Variants in MBOAT2 observed in about 807,000 individuals in gnomAD.
MBOAT2 encodes membrane-bound glycerophospholipid O-acyltransferase 2.
In MBOAT2, 28 loss-of-function variants were observed where a neutral mutation model predicts 63.4. The observed-to-expected ratio is 0.44, with a 90% CI of 0.33 to 0.61. The LOEUF (loss-of-function observed/expected upper bound fraction) is 0.61, where lower values mean the gene tolerates loss of function less well. MBOAT2 is among the 20% of genes least tolerant of loss of function. The pLI, the probability that MBOAT2 is intolerant of heterozygous loss-of-function variation, is 0.03. For synonymous variants in MBOAT2, 211 were observed against 215.6 expected (o/e 0.98, Z 0.19); for missense variants, 470 against 605.8 (o/e 0.78, Z 2.35).
In MBOAT2 at chr2:8,952,320, G is replaced by T. The variant is rs2103261239; in HGVS notation, c.221+6177C>A. 1.3e-5 allele frequency among the ~76,000 whole-genome samples: 2 copies of T among 152,286 alleles called. 1 individual carries two copies. The highest frequency in any genetic ancestry group is 4.1e-4 in the South Asian group (2 of 4,824). On this transcript the variant is annotated intron_variant, in intron 2 of 12. Transcript: ENST00000305997. ...ATTTCAGTTTTTCTGAATGTATTGA[G>T]ACTTGCTTTATGCCTGAGCATGTGG...
At chr2:8,933,171 T>C (rs945176724) in intron 3 of MBOAT2, among the ~76,000 whole-genome samples, 4 of 152,324 alleles carry the variant, frequency 2.6e-5, no homozygotes, top group East Asian at 1.9e-4. Flanking sequence ...GATCTTGGTG[T>C]AAAAGTAAGA....
intron 5 of MBOAT2, among the ~76,000 whole-genome samples, chr2:8,883,271 A>C (rs1295489276): frequency 6.6e-6 from 1 of 152,164 alleles, no homozygotes; most frequent in Non-Finnish European, 1.5e-5. Context: ...TAAATAGACA[A>C]AACTAAAAAC....
intron 4 of MBOAT2, among the ~76,000 whole-genome samples, chr2:8,895,267 T>C (rs1313720441): frequency 6.6e-6 from 1 of 152,248 alleles, no homozygotes; most frequent in Non-Finnish European, 1.5e-5. Flanking sequence ...AGAGTGCTGA[T>C]TGGCCCATTT....
At chr2:8,867,843 T>C (rs1662014283) in intron 9 of MBOAT2, among the ~76,000 whole-genome samples, 1 of 152,214 alleles carries the variant, frequency 6.6e-6, no homozygotes, top group African/African-American at 2.4e-5. Flanking sequence ...CAGATCCTTC[T>C]AAAACACCTA....
In MBOAT2 at chr2:8,858,695, G is replaced by A. The variant is rs1661280471; in HGVS notation, c.1547C>T (p.Ser516Leu). Residue 516 changes from serine (S) to leucine (L), a missense_variant, in exon 13 of 13, where the codon TCA (serine) becomes TTA (leucine). Coordinates refer to ENST00000305997, the MANE Select transcript of MBOAT2 (RefSeq NM_138799.4). ...CCTTCCCGATCACTGCTTTAGTGAT[G>A]AATGTCTCGAGGCTATTTCTTGATT... is the stretch of plus-strand genomic sequence containing the variant. The part of the protein sequence containing the change: ...NQNQEIASRH[S>L]SLKQ 13 of 1,611,124 alleles carry A rather than the reference G, an allele frequency of 8.1e-6. No individual in the cohort carries two copies. The highest frequency in any genetic ancestry group is 2.7e-5 in the African/African-American group (2 of 74,592).
At chr2:8,960,198 A>C (rs552752240) in intron 1 of MBOAT2, among the ~76,000 whole-genome samples, 3 of 152,320 alleles carry the variant, frequency 2.0e-5, no homozygotes, top group African/African-American at 7.2e-5. Context: ...TGTGTTCTTC[A>C]TATTAACTAC....
chr2:8,883,750 T>C (rs980607213), intron 5 of MBOAT2, among the ~76,000 whole-genome samples: 2 of 152,174 alleles, frequency 1.3e-5, no homozygotes, highest in African/African-American at 4.8e-5. Context: ...AGGAAATAAC[T>C]GAAGGTGTGA....
At chr2:8,921,381 C>G (rs1022105966) in intron 3 of MBOAT2, among the ~76,000 whole-genome samples, 4 of 152,066 alleles carry the variant, frequency 2.6e-5, no homozygotes, top group Admixed American at 2.0e-4. Context: ...ATCCTTTGAG[C>G]TATTACTATC....
intron 1 of MBOAT2, among the ~76,000 whole-genome samples, chr2:8,959,868 G>A (rs896411955): frequency 6.6e-5 from 10 of 151,974 alleles, no homozygotes; most frequent in Admixed American, 2.6e-4. Flanking sequence ...TTAGGAACCT[G>A]CAAAAAAAAT....
rs146147242 is a variant in MBOAT2, at chr2:8,900,332, G to A, written c.395+8289C>T. ...AAACTTTGGGGCTGCAGCTAAAGTC[G>A]CATTCTTTTCATTAAAGGCCAGGGT... On this transcript the variant is annotated intron_variant, in intron 4 of 12. Coordinates refer to ENST00000305997, the MANE Select transcript of MBOAT2 (RefSeq NM_138799.4). Among the ~76,000 whole-genome samples the A allele has an allele frequency of 7.2e-3, 1,101 of 152,204 alleles. 6 individuals are homozygous for A. Among genetic ancestry groups the A allele is most frequent in the Non-Finnish European group, 7.2e-3 (490 of 67,994 alleles).
intron 2 of MBOAT2, among the ~76,000 whole-genome samples, chr2:8,956,031 G>A (rs1669198734): frequency 6.6e-6 from 1 of 151,904 alleles, no homozygotes; most frequent in Admixed American, 6.6e-5. Flanking sequence ...CAGAATATAG[G>A]GTAAATATAA....
chr2:8,964,145 C>G (rs898656822), intron 1 of MBOAT2, among the ~76,000 whole-genome samples: 3 of 152,216 alleles, frequency 2.0e-5, no homozygotes, highest in East Asian at 1.9e-4. Flanking sequence ...GTGCAAACCC[C>G]TCCTCTGGCC....
At chr2:8,980,296 C>G (rs1671107453) in intron 1 of MBOAT2, among the ~76,000 whole-genome samples, 1 of 152,234 alleles carries the variant, frequency 6.6e-6, no homozygotes, top group Non-Finnish European at 1.5e-5. Flanking sequence ...CACATCACAG[C>G]AGGCTGACAA....
intron 3 of MBOAT2, among the ~76,000 whole-genome samples, chr2:8,926,277 C>A (rs976563707): frequency 2.6e-5 from 4 of 152,122 alleles, no homozygotes; most frequent in African/African-American, 7.2e-5. Context: ...TACAGGCACA[C>A]AGCACCACAC....
chr2:8,966,635 C>G (rs984945118), intron 1 of MBOAT2, among the ~76,000 whole-genome samples: 1 of 152,162 alleles, frequency 6.6e-6, no homozygotes, highest in Non-Finnish European at 1.5e-5. Flanking sequence ...AAGGAAAGAA[C>G]CATTTTTTAC....
intron 11 of MBOAT2, among the ~76,000 whole-genome samples, chr2:8,861,465 GC>G (rs1661488339): frequency 6.6e-6 from 1 of 152,190 alleles, no homozygotes; most frequent in Admixed American, 6.5e-5. Flanking sequence ...AATGCCAAAA[GC>G]CCGTACCTCA....
At chr2:8,898,111 G>A (rs182549790) in intron 4 of MBOAT2, among the ~76,000 whole-genome samples, 32 of 152,316 alleles carry the variant, frequency 2.1e-4, no homozygotes, top group Admixed American at 1.6e-3. Flanking sequence ...GTTGTCCCAC[G>A]AGTCTGAGTA....
At chr2:8,903,464 T>A (rs1208140497) in intron 4 of MBOAT2, among the ~76,000 whole-genome samples, 1 of 150,816 alleles carries the variant, frequency 6.6e-6, no homozygotes, top group Non-Finnish European at 1.5e-5. Context: ...AATAAACAAT[T>A]ATTTCACATA....
intron 3 of MBOAT2, among the ~76,000 whole-genome samples, chr2:8,925,321 A>T (rs893874345): frequency 6.6e-6 from 1 of 152,226 alleles, no homozygotes; most frequent in African/African-American, 2.4e-5. Flanking sequence ...CTTTGGGAGA[A>T]AAAACCTTTA....
Sources: gnomAD v4.1 joint callset for allele counts (sites outside exome capture counted in the v4.1 genomes callset) on GRCh38, gnomAD v4.1.1 for gene constraint, MANE v1.5 for transcripts, NCBI Gene and HGNC (gene_info 2026-07-23, HGNC 2026-07-21) for gene names.